NRXN3: variants seen among roughly 807,000 people sequenced by gnomAD.
NRXN3 encodes neurexin 3, also known as neurexin III.
In NRXN3, 32 loss-of-function variants were observed where a neutral mutation model predicts 137.6. The ratio of observed to expected loss-of-function variants is 0.23; its 90% CI spans 0.18 to 0.31. The LOEUF is 0.31. Among genes scored for constraint, NRXN3 ranks in the 10% least tolerant of loss-of-function variants. The pLI, the probability that NRXN3 is intolerant of heterozygous loss-of-function variation, is 1.00. For missense variants in NRXN3, 1,574 were observed against 2,062.5 expected (o/e 0.76, Z 4.59); for synonymous variants, 798 against 784.5 (o/e 1.02, Z -0.29).
At chr14:79,350,042 G>A (rs1436358890) in intron 15 of NRXN3, among the ~76,000 whole-genome samples, 1 of 152,130 alleles carries the variant, frequency 6.6e-6, no homozygotes, top group Admixed American at 6.5e-5. Context: ...TTTATGACTA[G>A]CATTTCATAT....
chr14:79,319,466 G>T (rs2089576397), intron 15 of NRXN3, among the ~76,000 whole-genome samples: 1 of 152,180 alleles, frequency 6.6e-6, no homozygotes, highest in Admixed American at 6.5e-5. Context: ...AGAGCTTTTA[G>T]AAAGAGAAAT....
chr14:79,575,132 A>G (rs2153803291), intron 16 of NRXN3, among the ~76,000 whole-genome samples: 1 of 152,302 alleles, frequency 6.6e-6, no homozygotes, highest in South Asian at 2.1e-4. Context: ...TAAGGGAAGT[A>G]TATTTCTCAC....
chr14:78,710,826 G>A (rs776547868), intron 7 of NRXN3, among the ~76,000 whole-genome samples: 4 of 152,166 alleles, frequency 2.6e-5, no homozygotes, highest in Non-Finnish European at 5.9e-5. Context: ...CAGATGGGTG[G>A]CAGATTGCAG....
At chr14:78,979,520 T>G (rs1183093724) in intron 14 of NRXN3, among the ~76,000 whole-genome samples, 1 of 152,150 alleles carries the variant, frequency 6.6e-6, no homozygotes, top group Non-Finnish European at 1.5e-5. Flanking sequence ...TCACTCATTT[T>G]TTTCCTATAA....
At chr14:78,988,198 A>G in intron 15 of NRXN3, 57 bp downstream of exon 15, 1 of 1,600,164 alleles carries the variant, frequency 6.2e-7, no homozygotes, top group Non-Finnish European at 8.6e-7. Context: ...AGATTTGGAG[A>G]ATCTTAAAGG....
intron 15 of NRXN3, among the ~76,000 whole-genome samples, chr14:79,343,859 G>T (rs551532584): frequency 4.6e-5 from 7 of 152,016 alleles, no homozygotes; most frequent in African/African-American, 1.7e-4. Flanking sequence ...GGCTGATCTC[G>T]AACTCCTAGG....
chr14:78,997,449 T>C (rs899461476), intron 15 of NRXN3, among the ~76,000 whole-genome samples: 2 of 152,214 alleles, frequency 1.3e-5, no homozygotes, highest in Non-Finnish European at 2.9e-5. Context: ...AAGACAATTT[T>C]TGTATTACCA....
At chr14:78,580,006 A>T (rs1566803909) in intron 4 of NRXN3, among the ~76,000 whole-genome samples, 6 of 152,198 alleles carry the variant, frequency 3.9e-5, no homozygotes, top group Admixed American at 2.0e-4. Context: ...GGATTAAATG[A>T]GTTAATAATC....
At chr14:78,674,253 C>A (rs1005183667) in intron 6 of NRXN3, among the ~76,000 whole-genome samples, 1 of 152,180 alleles carries the variant, frequency 6.6e-6, no homozygotes, top group Admixed American at 6.5e-5. Context: ...AAGCCTCTTT[C>A]AAATCTATTT....
intron 15 of NRXN3, among the ~76,000 whole-genome samples, chr14:79,103,902 T>A (rs534549336): frequency 6.6e-6 from 1 of 152,178 alleles, no homozygotes; most frequent in South Asian, 2.1e-4. Flanking sequence ...CCAACACACA[T>A]GTGCAAATCT....
intron 19 of NRXN3, among the ~76,000 whole-genome samples, chr14:79,708,189 CA>C (rs1486986071): frequency 6.6e-6 from 1 of 152,120 alleles, no homozygotes; most frequent in Non-Finnish European, 1.5e-5. Flanking sequence ...TGAACATGTA[CA>C]GACTTTTTTC....
chr14:79,348,244 C>A (rs2092998087), intron 15 of NRXN3, among the ~76,000 whole-genome samples: 1 of 151,878 alleles, frequency 6.6e-6, no homozygotes, highest in South Asian at 2.1e-4. Flanking sequence ...GCCTTTTCTC[C>A]CTAATGTTTT....
intron 16 of NRXN3, among the ~76,000 whole-genome samples, chr14:79,601,721 C>G (rs2097924056): frequency 6.6e-6 from 1 of 152,154 alleles, no homozygotes; most frequent in African/African-American, 2.4e-5. Context: ...ACTTTCAGTT[C>G]ATAACATTAA....
intron 19 of NRXN3, among the ~76,000 whole-genome samples, chr14:79,773,675 G>A (rs1182860616): frequency 6.6e-6 from 1 of 151,452 alleles, no homozygotes; most frequent in Admixed American, 6.6e-5. Context: ...TATACCTAAT[G>A]CTAGACGATG....
At chr14:79,485,770 T>G (rs2096650222) in intron 16 of NRXN3, among the ~76,000 whole-genome samples, 2 of 152,018 alleles carry the variant, frequency 1.3e-5, no homozygotes, top group East Asian at 3.9e-4. Context: ...CTCAGAAAAA[T>G]AGACAAAATG....
intron 8 of NRXN3, among the ~76,000 whole-genome samples, chr14:78,758,566 T>C (rs2098679247): frequency 6.6e-6 from 1 of 152,232 alleles, no homozygotes; most frequent in Non-Finnish European, 1.5e-5. Flanking sequence ...GAGCATTATC[T>C]GCAAGAGCAG....
At chr14:78,521,314 A>G (rs1182073906) in intron 4 of NRXN3, among the ~76,000 whole-genome samples, 9 of 152,202 alleles carry the variant, frequency 5.9e-5, no homozygotes, top group Non-Finnish European at 1.0e-4. Context: ...TGTTTAGGTT[A>G]GTTTGGCATT....
In NRXN3 at chr14:78,666,202, G is replaced by A. The variant is rs78829808; in HGVS notation, c.1221+14876G>A. Among the ~76,000 whole-genome samples, 1,247 of 152,266 alleles carry A rather than the reference G, an allele frequency of 8.2e-3. 91 individuals are homozygous for A. In the East Asian group the frequency reaches 0.18, roughly 22 times the overall value. On this transcript the variant is annotated intron_variant, in intron 6 of 20. Transcript: ENST00000335750. ...GACTATATTCACACGGTTGTACACA[G>A]ATCTCTAGAACTTTTCTCTTGCACC...
intron 17 of NRXN3, among the ~76,000 whole-genome samples, chr14:79,668,493 CTT>C (rs1251789588): frequency 6.6e-6 from 1 of 152,130 alleles, no homozygotes. Flanking sequence ...AGAGCCAACA[CTT>C]TTCTATCCTG....
Sources: allele counts gnomAD v4.1 joint callset (sites outside exome capture counted in the v4.1 genomes callset), GRCh38; gene constraint gnomAD v4.1.1; transcripts MANE v1.5; gene names NCBI Gene and HGNC (gene_info 2026-07-23, HGNC 2026-07-21).